The following ACO1 variants were observed in gnomAD, a reference collection of about 807,000 sequenced individuals.
The protein encoded by ACO1 is aconitase 1.
ACO1 carries 78 observed loss-of-function variants against 105.1 expected under a neutral mutation model. The observed-to-expected ratio is 0.74, with a 90% confidence interval of 0.62 to 0.90. The LOEUF (loss-of-function observed/expected upper bound fraction) is 0.90, where lower values mean the gene tolerates loss of function less well. ACO1 is among the 40% of genes least tolerant of loss of function. The pLI is 0.00. For synonymous variants in ACO1, 364 were observed against 397.4 expected (o/e 0.92, Z 1.00); for missense variants, 965 against 1,111.1 (o/e 0.87, Z 1.87).
chr9:32,420,237 GACTTAT>G (rs2087941187), intron 7 of ACO1, among the ~76,000 whole-genome samples: 1 of 110,856 alleles, frequency 9.0e-6, no homozygotes, highest in Non-Finnish European at 2.3e-5. Flanking sequence ...GGTTACATTT[GACTTAT>G]ACTTGTAGCA....
chr9:32,454,099 CCT>C lies in ACO1; in HGVS notation c.*3989_*3990del, dbSNP rs1822827401. The C allele has an allele frequency of 6.6e-6, 1 of 152,142 alleles. No individual in the cohort carries two copies. Among genetic ancestry groups the C allele is most frequent in the African/African-American group, 2.4e-5 (1 of 41,438 alleles). The allele number at this position is 152,142 out of a possible 1,614,324, so 9.4% of individuals were successfully genotyped here. A position where few individuals can be genotyped will look rare whatever the true frequency, so the allele number is the denominator to read the frequency against. On this transcript the variant is annotated 3_prime_UTR_variant, in exon 21 of 21. Transcript: ENST00000309951. ...CTTCTACAGGATGTTAACAGTGTCC[CCT>C]GAGTAAAACAGTTCCACGGTCAGTA...
intron 14 of ACO1, 145 bp from the exon 15 acceptor site, chr9:32,431,574 A>T: frequency 1.2e-6 from 1 of 816,176 alleles, no homozygotes; most frequent in African/African-American, 1.7e-5. Context: ...TATTTCCTCC[A>T]GTGGCAGTGA....
chr9:32,394,570 G>A (rs750037068), intron 1 of ACO1, among the ~76,000 whole-genome samples: 1 of 152,216 alleles, frequency 6.6e-6, no homozygotes, highest in Non-Finnish European at 1.5e-5. Flanking sequence ...TAGAGCAGCT[G>A]TGCCATTGTG....
intron 18 of ACO1, among the ~76,000 whole-genome samples, chr9:32,437,660 TC>T (rs1370024209): frequency 6.6e-6 from 1 of 152,024 alleles, no homozygotes; most frequent in Non-Finnish European, 1.5e-5. Context: ...TGAGACAGAA[TC>T]AAGGATGAAC....
At chr9:32,442,193 C>T (rs1822495789) in intron 19 of ACO1, among the ~76,000 whole-genome samples, 1 of 152,070 alleles carries the variant, frequency 6.6e-6, no homozygotes, top group South Asian at 2.1e-4. Flanking sequence ...AAAGCCTCCC[C>T]TGCTGATTCT....
chr9:32,405,511 G>A lies in ACO1; in HGVS notation c.5G>A (p.Ser2Asn), dbSNP rs748552310. 2 of 1,612,962 alleles carry A rather than the reference G, an allele frequency of 1.2e-6. No individual in the cohort carries two copies. The highest frequency in any genetic ancestry group is 2.2e-5 in the East Asian group (1 of 44,870). Residue 2 changes from serine (S) to asparagine (N), a missense_variant, in exon 2 of 21, where the codon AGC becomes AAC. Coordinates refer to ENST00000309951, the MANE Select transcript of ACO1 (RefSeq NM_002197.3). M[S>N]NPFAHLAEPL... ...AACACGTGGCCATCAGTAATCATGA[G>A]CAACCCATTCGCACACCTTGCTGAG...
At chr9:32,394,152 T>A (rs1451693255) in intron 1 of ACO1, among the ~76,000 whole-genome samples, 1 of 152,220 alleles carries the variant, frequency 6.6e-6, no homozygotes, top group Non-Finnish European at 1.5e-5. Context: ...GTGCCTTTAA[T>A]GTATTGTTTC....
At chr9:32,446,409 C>T (rs1822609555) in intron 19 of ACO1, among the ~76,000 whole-genome samples, 1 of 151,936 alleles carries the variant, frequency 6.6e-6, no homozygotes, top group Non-Finnish European at 1.5e-5. Context: ...GGATTGCAAC[C>T]CCTGCTTTTT....
chr9:32,421,665 A>C (rs994112588), intron 8 of ACO1, among the ~76,000 whole-genome samples: 1 of 152,218 alleles, frequency 6.6e-6, no homozygotes, highest in African/African-American at 2.4e-5. Flanking sequence ...CCTGGCCAAC[A>C]TGGCGAAACT....
At chr9:32,400,650 A>T (rs1821476289) in intron 1 of ACO1, among the ~76,000 whole-genome samples, 1 of 152,196 alleles carries the variant, frequency 6.6e-6, no homozygotes. Flanking sequence ...CTTTCTTTCA[A>T]AGGGTATTGC....
At chr9:32,436,023 CAGG>C in intron 17 of ACO1, 1 of 677,368 alleles carries the variant, frequency 1.5e-6, no homozygotes, top group South Asian at 1.5e-5. Flanking sequence ...ACAATTAACC[CAGG>C]AGAATACTGA....
intron 1 of ACO1, among the ~76,000 whole-genome samples, chr9:32,399,964 C>CTTTTTTTTTTTTTTTTTTTTTTTT (rs1300474052): frequency 2.4e-5 from 1 of 42,420 alleles, no homozygotes; most frequent in Non-Finnish European, 4.9e-5. Flanking sequence ...TTTTCTTTTT[C>CTTTTTTTTTTTTTTTTTTTTTTTT]TGTTTTTTTT....
rs945969478 is a variant in ACO1, at chr9:32,450,404, A to T, written c.*293A>T. On this transcript the variant is annotated 3_prime_UTR_variant, in exon 21 of 21. Transcript: ENST00000309951. ...TGTCTTTAAAGTTACTGATCACAGG[A>T]CGTTGCTTTTTCACTGTTTCCTATT... The T allele has an allele frequency of 2.3e-6, 1 of 433,866 alleles. No homozygotes were observed. 26.9% of individuals were successfully genotyped at this position (433,866 alleles called of 1,614,324 possible).
At chr9:32,411,363 TAA>T (rs1254217073) in intron 4 of ACO1, among the ~76,000 whole-genome samples, 1 of 152,230 alleles carries the variant, frequency 6.6e-6, no homozygotes, top group Non-Finnish European at 1.5e-5. Flanking sequence ...TATGAATGTT[TAA>T]AAGTTTTAGA....
At chr9:32,390,672 A>C (rs190702246) in intron 1 of ACO1, among the ~76,000 whole-genome samples, 6 of 152,372 alleles carry the variant, frequency 3.9e-5, no homozygotes, top group Admixed American at 1.3e-4. Context: ...AAAAATTTTC[A>C]AATATGACCT....
chr9:32,422,524 G>T (rs959346791), intron 8 of ACO1, among the ~76,000 whole-genome samples: 2 of 152,194 alleles, frequency 1.3e-5, no homozygotes, highest in African/African-American at 4.8e-5. Flanking sequence ...CAAACCTTCT[G>T]TTTCTAACCA....
chr9:32,411,195 C>A (rs116370023), intron 4 of ACO1, among the ~76,000 whole-genome samples: 173 of 152,250 alleles, frequency 1.1e-3, no homozygotes, highest in African/African-American at 4.0e-3. Flanking sequence ...GATTACACCA[C>A]AAGGGTTTTG....
At chr9:32,435,949 C>A in intron 17 of ACO1, 1 of 523,376 alleles carries the variant, frequency 1.9e-6, no homozygotes, top group Non-Finnish European at 3.7e-6. Context: ...TATAGGCTAC[C>A]CTACTAACAA....
At chr9:32,416,641 G>C (rs952091079) in intron 4 of ACO1, among the ~76,000 whole-genome samples, 1 of 152,160 alleles carries the variant, frequency 6.6e-6, no homozygotes, top group Non-Finnish European at 1.5e-5. Context: ...CAGACTCAGA[G>C]TGCCAGTGGG....
Sources: gnomAD v4.1 joint callset for allele counts (sites outside exome capture counted in the v4.1 genomes callset) on GRCh38, gnomAD v4.1.1 for gene constraint, MANE v1.5 for transcripts, NCBI Gene and HGNC (gene_info 2026-07-23, HGNC 2026-07-21) for gene names.